The following GPC5 variants were observed in gnomAD, a reference collection of about 807,000 sequenced individuals.
GPC5 encodes glypican-5.
Under a neutral mutation model 53.9 loss-of-function variants are expected in GPC5, and 47 were observed. The observed-to-expected ratio is 0.87, with a 90% CI of 0.69 to 1.11. The LOEUF is 1.11. Among genes scored for constraint, GPC5 ranks in the 50% most tolerant of loss-of-function variants. The probability of loss-of-function intolerance (pLI) is 0.00; values close to 1 mark genes in which losing one functional copy is unlikely to be tolerated. For synonymous variants in GPC5, 286 were observed against 263.3 expected, an observed-to-expected ratio of 1.09 and a Z score of -0.84; for missense variants, 748 against 713.1, an observed-to-expected ratio of 1.05 and a Z score of -0.56.
chr13:92,577,618 T>C (rs1377165215), intron 7 of GPC5, among the ~76,000 whole-genome samples: 4 of 152,142 alleles, frequency 2.6e-5, no homozygotes, highest in African/African-American at 9.7e-5. Flanking sequence ...TTTCAGATCC[T>C]ACAAAGATAA....
chr13:92,312,251 C>A (rs1189436815), intron 7 of GPC5, among the ~76,000 whole-genome samples: 1 of 152,084 alleles, frequency 6.6e-6, no homozygotes, highest in Non-Finnish European at 1.5e-5. Flanking sequence ...AGTTTCTTTT[C>A]ACTTTTCTCT....
rs2352198 is a variant in GPC5, at chr13:91,933,566, C to T, written c.1401+25509C>T. On this transcript the variant is annotated intron_variant, in intron 6 of 7. Coordinates refer to ENST00000377067, the MANE Select transcript of GPC5 (RefSeq NM_004466.6). Reference sequence around the variant, plus strand: ...TGCAATGAAGAAATGTTAATAAACCCATTATATATGCTAAAAGGTACCGAA... The same window carrying T: ...TGCAATGAAGAAATGTTAATAAACCTATTATATATGCTAAAAGGTACCGAA... Among the ~76,000 whole-genome samples, 1,287 of 151,966 alleles carry T rather than the reference C, an allele frequency of 8.5e-3. 9 individuals carry two copies. The highest frequency in any genetic ancestry group is 0.021 in the Middle Eastern group (6 of 292).
intron 6 of GPC5, among the ~76,000 whole-genome samples, chr13:92,105,874 G>T (rs1286157175): frequency 2.0e-5 from 3 of 151,880 alleles, no homozygotes; most frequent in Non-Finnish European, 2.9e-5. Flanking sequence ...TCTTTTTCGG[G>T]CTCTCAATGC....
intron 5 of GPC5, among the ~76,000 whole-genome samples, chr13:91,769,681 G>T (rs143212199): frequency 1.3e-5 from 2 of 152,322 alleles, no homozygotes; most frequent in East Asian, 3.9e-4. Context: ...GCTTGGGCAA[G>T]TGTCAGGTCA....
rs1330522805 is a variant in GPC5, at chr13:92,382,672, T to C, written c.1561+237683T>C. The stretch of plus-strand genomic sequence containing the variant: ...CAAGAAAACTGTACCCACAGTTAGC[T>C]CTCATCAGTTAATAGAACAGGCACA... On this transcript the variant is annotated intron_variant, in intron 7 of 7. Coordinates refer to ENST00000377067, the MANE Select transcript of GPC5 (RefSeq NM_004466.6). Among the ~76,000 whole-genome samples, 5 of 152,212 alleles carry C rather than the reference T, an allele frequency of 3.3e-5. No individual in the cohort carries two copies. The East Asian group carries it at 9.7e-4, about 29-fold the overall frequency.
At chr13:91,976,814 C>T (rs990588466) in intron 6 of GPC5, among the ~76,000 whole-genome samples, 11 of 151,840 alleles carry the variant, frequency 7.2e-5, no homozygotes, top group East Asian at 1.9e-4. Flanking sequence ...CTGTGGCAGG[C>T]GAAACACTTG....
chr13:92,761,534 T>A (rs1875175815), intron 7 of GPC5, among the ~76,000 whole-genome samples: 1 of 152,124 alleles, frequency 6.6e-6, no homozygotes, highest in African/African-American at 2.4e-5. Flanking sequence ...ATAAGTAGAG[T>A]CATCCTTGTT....
chr13:91,778,066 C>G (rs955946558), intron 5 of GPC5, among the ~76,000 whole-genome samples: 10 of 149,610 alleles, frequency 6.7e-5, no homozygotes, highest in African/African-American at 2.4e-4. Context: ...AGGATCCTTT[C>G]AAATACACAC....
chr13:92,287,738 T>C (rs1476305884), intron 7 of GPC5, among the ~76,000 whole-genome samples: 1 of 152,172 alleles, frequency 6.6e-6, no homozygotes, highest in Admixed American at 6.5e-5. Context: ...TTGGTTATAA[T>C]GTGTCTCAGT....
intron 6 of GPC5, among the ~76,000 whole-genome samples, chr13:92,104,553 C>A (rs2041492866): frequency 6.6e-6 from 1 of 152,068 alleles, no homozygotes; most frequent in South Asian, 2.1e-4. Flanking sequence ...GAGGAGAATC[C>A]TGAGAGATCA....
At chr13:92,110,883 G>A (rs1004863439) in intron 6 of GPC5, among the ~76,000 whole-genome samples, 14 of 152,056 alleles carry the variant, frequency 9.2e-5, no homozygotes, top group East Asian at 5.8e-4. Flanking sequence ...CTGATTCTAG[G>A]AAAAGGAATC....
intron 7 of GPC5, among the ~76,000 whole-genome samples, chr13:92,520,871 G>C (rs1438672339): frequency 6.6e-6 from 1 of 152,122 alleles, no homozygotes; most frequent in Non-Finnish European, 1.5e-5. Context: ...TGATTGTGTA[G>C]TTAGAAATCC....
At chr13:92,101,081 A>C (rs535355826) in intron 6 of GPC5, among the ~76,000 whole-genome samples, 42 of 152,222 alleles carry the variant, frequency 2.8e-4, no homozygotes, top group Non-Finnish European at 4.7e-4. Context: ...TATCCTTTAC[A>C]GTACATCCAG....
At chr13:92,531,963 G>A (rs1167689103) in intron 7 of GPC5, among the ~76,000 whole-genome samples, 1 of 152,144 alleles carries the variant, frequency 6.6e-6, no homozygotes, top group Non-Finnish European at 1.5e-5. Flanking sequence ...TAAGTTACCT[G>A]TTAACTCTTG....
At chr13:91,840,058 A>G (rs1233395087) in intron 5 of GPC5, among the ~76,000 whole-genome samples, 12 of 152,184 alleles carry the variant, frequency 7.9e-5, no homozygotes, top group Non-Finnish European at 1.5e-5. Context: ...ATGTGAATGA[A>G]TTAGACTTCG....
At chr13:91,978,566 C>T (rs1332974201) in intron 6 of GPC5, among the ~76,000 whole-genome samples, 1 of 152,192 alleles carries the variant, frequency 6.6e-6, no homozygotes, top group African/African-American at 2.4e-5. Flanking sequence ...GGGAAGGCCT[C>T]TCTAGCTGAC....
chr13:92,541,329 T>C (rs1195939495), intron 7 of GPC5, among the ~76,000 whole-genome samples: 2 of 151,822 alleles, frequency 1.3e-5, no homozygotes, highest in Non-Finnish European at 2.9e-5. Flanking sequence ...TTTAAAAATA[T>C]TATATGAAAA....
In GPC5 at chr13:92,017,867, G is replaced by A. The variant is rs557283236; in HGVS notation, c.1401+109810G>A. Among the ~76,000 whole-genome samples the A allele has an allele frequency of 4.2e-4, 64 of 151,076 alleles. No individual in the cohort carries two copies. The East Asian group carries it at 9.6e-3, about 23-fold the overall frequency. On this transcript the variant is annotated intron_variant, in intron 6 of 7. Transcript: ENST00000377067. Reference sequence around the variant, plus strand: ...ACTTCCACAAAATACACACATACGCGTGCATGAGTACCTACACTTCCACAA... The same window carrying A: ...ACTTCCACAAAATACACACATACGCATGCATGAGTACCTACACTTCCACAA...
At chr13:92,083,885 A>G (rs1270955517) in intron 6 of GPC5, among the ~76,000 whole-genome samples, 1 of 152,220 alleles carries the variant, frequency 6.6e-6, no homozygotes, top group Non-Finnish European at 1.5e-5. Context: ...ATGACCATCA[A>G]TGATAGACTG....
Sources: allele counts gnomAD v4.1 joint callset (sites outside exome capture counted in the v4.1 genomes callset), GRCh38; gene constraint gnomAD v4.1.1; transcripts MANE v1.5; gene names NCBI Gene and HGNC (gene_info 2026-07-23, HGNC 2026-07-21).